SOD2: variants seen among roughly 807,000 people sequenced by gnomAD.
SOD2 encodes superoxide dismutase [Mn], mitochondrial.
Under a neutral mutation model 27.0 loss-of-function variants are expected in SOD2, and 11 were observed. The ratio of observed to expected loss-of-function variants is 0.41; its 90% confidence interval spans 0.26 to 0.67. The LOEUF (loss-of-function observed/expected upper bound fraction) is 0.67, where lower values mean the gene tolerates loss of function less well. Ranked by LOEUF, SOD2 falls within the 30% of genes least tolerant of loss-of-function variation. The pLI is 0.34. For missense variants in SOD2, 250 were observed against 274.5 expected (o/e 0.91, Z 0.63); for synonymous variants, 105 against 103.0 (o/e 1.02, Z -0.12).
At chr6:159,744,718 C>T (rs1280879797) in intron 1 of SOD2, among the ~76,000 whole-genome samples, 3 of 151,890 alleles carry the variant, frequency 2.0e-5, no homozygotes, top group Non-Finnish European at 2.9e-5. Context: ...TTTTTTCCCA[C>T]TAACCCCCCC....
At chr6:159,737,837 TTA>T (rs1779014804) in intron 1 of SOD2, among the ~76,000 whole-genome samples, 1 of 152,200 alleles carries the variant, frequency 6.6e-6, no homozygotes, top group Admixed American at 6.5e-5. Flanking sequence ...TTTACAGCCT[TTA>T]TTTGGTGTAG....
rs1582996955 is a variant in SOD2, at chr6:159,678,137, T to G, written c.*4356A>C. The G allele has an allele frequency of 6.6e-6, 1 of 152,328 alleles. No individual in the cohort carries two copies. Among genetic ancestry groups the G allele is most frequent in the South Asian group, 2.1e-4 (1 of 4,828 alleles). 9.4% of individuals were successfully genotyped at this position (152,328 alleles called of 1,614,324 possible). A position where few individuals can be genotyped will look rare whatever the true frequency, so the allele number is the denominator to read the frequency against. On this transcript the variant is annotated 3_prime_UTR_variant, in exon 5 of 5. Transcript: ENST00000538183. ...GGGTCCAGATGAGCTTCTGGGTAGC[T>G]GATGACGTGGAGAGAGCATGAAAGC...
In SOD2 at chr6:159,692,686, C is replaced by G. The variant is rs1394619691; in HGVS notation, c.201G>C (p.Glu67Asp). ...AYVNNLNVTE[E>D]KYQEALAKGD... is the part of the protein sequence containing the mutation. Reference sequence around the variant, plus strand: ...CCTTGGCCAACGCCTCCTGGTACTTCTCCTCGGTGACGTTCAGGTTGTTCA... The same window carrying G: ...CCTTGGCCAACGCCTCCTGGTACTTGTCCTCGGTGACGTTCAGGTTGTTCA... The change falls in exon 2 of 5, where the codon GAG becomes GAC. Residue 67 changes from glutamate to aspartate, a missense_variant. Coordinates refer to ENST00000538183, the MANE Select transcript of SOD2 (RefSeq NM_000636.4). 7 of 1,614,082 alleles carry G rather than the reference C, an allele frequency of 4.3e-6. No individual in the cohort carries two copies. The highest frequency in any genetic ancestry group is 5.9e-6 in the Non-Finnish European group (7 of 1,180,000).
intron 1 of SOD2, among the ~76,000 whole-genome samples, chr6:159,704,875 C>A (rs189347828): frequency 0.01 from 1,554 of 152,306 alleles, 11 homozygotes; most frequent in Middle Eastern, 0.068. Flanking sequence ...AGGCACCCCC[C>A]AGTAGGGGCA....
At chr6:159,750,437 G>A (rs1231455313) in intron 1 of SOD2, among the ~76,000 whole-genome samples, 2 of 152,060 alleles carry the variant, frequency 1.3e-5, no homozygotes, top group Non-Finnish European at 2.9e-5. Context: ...AGAGAAAGGG[G>A]GAGATGAAAA....
At chr6:159,689,781 G>A (rs1212827545) in intron 2 of SOD2, among the ~76,000 whole-genome samples, 1 of 151,634 alleles carries the variant, frequency 6.6e-6, no homozygotes, top group African/African-American at 2.4e-5. Flanking sequence ...CCAACATGGT[G>A]AAACCCTGTC....
At position 159,677,139 on chromosome 6, in the gene SOD2, A is replaced by G. The variant is rs559693609; in HGVS notation, c.*5354T>C. On this transcript the variant is annotated 3_prime_UTR_variant, in exon 5 of 5. Transcript: ENST00000538183. ...CAAGAACCTCATGTCCTGGGACTTCATGGAGCACAAATTATAGTGGGCAGA... is the reference window on the plus strand; with the variant it reads ...CAAGAACCTCATGTCCTGGGACTTCGTGGAGCACAAATTATAGTGGGCAGA... 1 of 152,328 alleles carries G rather than the reference A, an allele frequency of 6.6e-6. No homozygotes were observed. The highest frequency in any genetic ancestry group is 2.4e-5 in the African/African-American group (1 of 41,582). 9.4% of individuals were successfully genotyped at this position (152,328 alleles called of 1,614,324 possible).
At position 159,673,838 on chromosome 6, in the gene SOD2, G is replaced by A. The variant is rs1311283831; in HGVS notation, c.*8655C>T. ...GTTTTTTGAAAAGATAAACACAATTGATAGACCGCTAGCAAGACTAATAAA... is the reference window on the plus strand; with the variant it reads ...GTTTTTTGAAAAGATAAACACAATTAATAGACCGCTAGCAAGACTAATAAA... On this transcript the variant is annotated 3_prime_UTR_variant, in exon 5 of 5. Transcript: ENST00000538183. 1 of 152,024 alleles carries A rather than the reference G, an allele frequency of 6.6e-6. No homozygotes were observed. Among genetic ancestry groups the A allele is most frequent in the Non-Finnish European group, 1.5e-5 (1 of 67,996 alleles). The allele number at this position is 152,024 out of a possible 1,614,324, so 9.4% of individuals were successfully genotyped here.
At chr6:159,695,713 C>T (rs1777411103), upstream of SOD2, among the ~76,000 whole-genome samples, 1 of 152,018 alleles carries the variant, frequency 6.6e-6, no homozygotes, top group Non-Finnish European at 1.5e-5. Context: ...CCAGGCTGGC[C>T]TCAAACTCCT....
chr6:159,730,162 A>G (rs2114866812), upstream of SOD2, among the ~76,000 whole-genome samples: 1 of 152,308 alleles, frequency 6.6e-6, no homozygotes, highest in East Asian at 1.9e-4. Flanking sequence ...TTAATCACCT[A>G]ATAGCTGATC....
intron 1 of SOD2, among the ~76,000 whole-genome samples, chr6:159,712,470 CATA>C (rs1777832060): frequency 1.5e-5 from 1 of 68,372 alleles, no homozygotes; most frequent in African/African-American, 4.5e-5. Flanking sequence ...TAACCACCTC[CATA>C]ACCACCACTC....
upstream of SOD2, among the ~76,000 whole-genome samples, chr6:159,746,596 T>G (rs1437835386): frequency 2.0e-5 from 3 of 152,208 alleles, no homozygotes; most frequent in Non-Finnish European, 2.9e-5. Flanking sequence ...TCAATTTAGT[T>G]AGTTTTGAGC....
chr6:159,673,165 C>A lies in SOD2; in HGVS notation c.*9328G>T, dbSNP rs762416646. 3.3e-5 allele frequency: 5 copies of A among 152,122 alleles called. No individual in the cohort carries two copies. Among genetic ancestry groups the A allele is most frequent in the Non-Finnish European group, 1.5e-5 (1 of 68,034 alleles). 9.4% of individuals were successfully genotyped at this position (152,122 alleles called of 1,614,324 possible). A position where few individuals can be genotyped will look rare whatever the true frequency, so the allele number is the denominator to read the frequency against. ...AATAACAATGGGAGACTCTAACACCCCACTGTCAATATTAGACAGATCAAC... is the reference window on the plus strand; with the variant it reads ...AATAACAATGGGAGACTCTAACACCACACTGTCAATATTAGACAGATCAAC... On this transcript the variant is annotated 3_prime_UTR_variant, in exon 5 of 5. Transcript: ENST00000538183.
At chr6:159,726,526 G>A (rs964040480) in intron 1 of SOD2, 2 of 326,020 alleles carry the variant, frequency 6.1e-6, no homozygotes, top group African/African-American at 2.2e-5. Context: ...TGCTCTTCTA[G>A]TAAGTGTTTA....
intron 1 of SOD2, among the ~76,000 whole-genome samples, chr6:159,737,648 G>A (rs952383741): frequency 6.6e-6 from 1 of 151,658 alleles, no homozygotes; most frequent in East Asian, 1.9e-4. Context: ...GTGCCACTAC[G>A]CCTGGCTAAT....
At chr6:159,744,331 A>C (rs142108718) in intron 1 of SOD2, among the ~76,000 whole-genome samples, 6 of 152,350 alleles carry the variant, frequency 3.9e-5, no homozygotes, top group African/African-American at 1.4e-4. Flanking sequence ...GTTTAGGCTC[A>C]ATCTTACGGT....
At chr6:159,743,392 G>A (rs1323522924) in intron 1 of SOD2, among the ~76,000 whole-genome samples, 1 of 152,232 alleles carries the variant, frequency 6.6e-6, no homozygotes, top group Non-Finnish European at 1.5e-5. Flanking sequence ...TCAGGATTTT[G>A]TGAATACTGT....
chr6:159,718,567 T>C (rs1777968030), intron 1 of SOD2, among the ~76,000 whole-genome samples: 1 of 152,192 alleles, frequency 6.6e-6, no homozygotes, highest in Non-Finnish European at 1.5e-5. Flanking sequence ...TAATTATAAT[T>C]TTAAAAATCT....
chr6:159,730,419 A>G (rs866540279), upstream of SOD2, among the ~76,000 whole-genome samples: 5 of 152,076 alleles, frequency 3.3e-5, no homozygotes, highest in Non-Finnish European at 5.9e-5. Flanking sequence ...CTTTAAATTT[A>G]GGTTATTGTG....
Sources: allele counts gnomAD v4.1 joint callset (sites outside exome capture counted in the v4.1 genomes callset), GRCh38; gene constraint gnomAD v4.1.1; transcripts MANE v1.5; gene names NCBI Gene and HGNC (gene_info 2026-07-23, HGNC 2026-07-21).